NELL1: variants seen among roughly 807,000 people sequenced by gnomAD.
NELL1 encodes the protein protein kinase C-binding protein NELL1.
A neutral mutation model predicts 107.4 loss-of-function variants in NELL1; 76 were observed. That is an observed-to-expected ratio of 0.71 (90% confidence interval 0.59 to 0.86). The LOEUF is 0.86. NELL1 is among the 40% of genes least tolerant of loss of function. NELL1 has a pLI of 0.00. For synonymous variants in NELL1, 353 were observed against 341.2 expected (o/e 1.03, Z -0.38); for missense variants, 1,024 against 1,005.5 (o/e 1.02, Z -0.25).
At chr11:20,755,424 G>A (rs1482318936) in intron 2 of NELL1, among the ~76,000 whole-genome samples, 2 of 152,056 alleles carry the variant, frequency 1.3e-5, no homozygotes, top group African/African-American at 4.8e-5. Context: ...AAACTGAAAG[G>A]ATGGAATTTC....
intron 14 of NELL1, among the ~76,000 whole-genome samples, chr11:21,337,537 C>T (rs1204264376): frequency 1.3e-5 from 2 of 152,352 alleles, no homozygotes; most frequent in East Asian, 1.9e-4. Context: ...TCTTACATGG[C>T]CCCTGTCACT....
intron 5 of NELL1, among the ~76,000 whole-genome samples, chr11:20,915,771 T>G (rs1254479160): frequency 7.1e-6 from 1 of 140,924 alleles, no homozygotes; most frequent in African/African-American, 2.6e-5. Flanking sequence ...CTTTGTAGTT[T>G]TATGCATTAT....
chr11:21,269,372 TCTCTCA>T (rs1565138805), intron 14 of NELL1, among the ~76,000 whole-genome samples: 1 of 151,408 alleles, frequency 6.6e-6, no homozygotes, highest in African/African-American at 2.4e-5. Flanking sequence ...TCTCTCTCTC[TCTCTCA>T]CACACACACA....
At chr11:20,776,167 G>A (rs1053076300) in intron 2 of NELL1, among the ~76,000 whole-genome samples, 3 of 152,272 alleles carry the variant, frequency 2.0e-5, no homozygotes, top group African/African-American at 4.8e-5. Context: ...GCTGGGGGCC[G>A]TGGCTCATGC....
At chr11:20,693,622 T>C (rs950439490) in intron 2 of NELL1, among the ~76,000 whole-genome samples, 1 of 152,058 alleles carries the variant, frequency 6.6e-6, no homozygotes, top group African/African-American at 2.4e-5. Context: ...CCCCCACTCT[T>C]TTCTGGCTTG....
intron 1 of NELL1, among the ~76,000 whole-genome samples, chr11:20,670,842 C>T (rs1853886459): frequency 6.6e-6 from 1 of 152,232 alleles, no homozygotes; most frequent in Non-Finnish European, 1.5e-5. Context: ...CCCCCCTTTA[C>T]CATCCTTATT....
At chr11:21,528,014 T>C (rs1174989238) in intron 15 of NELL1, among the ~76,000 whole-genome samples, 3 of 152,142 alleles carry the variant, frequency 2.0e-5, no homozygotes, top group Non-Finnish European at 4.4e-5. Context: ...ATACTTTGCA[T>C]CCTTCAGTCC....
At chr11:20,673,121 CAA>C (rs1450452484) in intron 1 of NELL1, among the ~76,000 whole-genome samples, 1 of 152,010 alleles carries the variant, frequency 6.6e-6, no homozygotes, top group Admixed American at 6.6e-5. Context: ...CTCGGCTTCC[CAA>C]AGTGCTGAGA....
intron 16 of NELL1, among the ~76,000 whole-genome samples, chr11:21,549,184 T>C (rs558820000): frequency 2.0e-5 from 3 of 151,992 alleles, no homozygotes; most frequent in African/African-American, 7.2e-5. Flanking sequence ...TAAGTGACTC[T>C]CAGTTTGGTT....
intron 14 of NELL1, among the ~76,000 whole-genome samples, chr11:21,273,938 C>T (rs1435767420): frequency 6.6e-6 from 1 of 152,208 alleles, no homozygotes; most frequent in Non-Finnish European, 1.5e-5. Context: ...GTACCAGCCA[C>T]TGCAAAAACA....
At chr11:21,027,897 A>G (rs893775195) in intron 12 of NELL1, among the ~76,000 whole-genome samples, 2 of 152,092 alleles carry the variant, frequency 1.3e-5, no homozygotes, top group Admixed American at 1.3e-4. Flanking sequence ...TGGAGAAGAT[A>G]GTGAAGCTGA....
At chr11:21,494,779 C>T (rs935488216) in intron 15 of NELL1, among the ~76,000 whole-genome samples, 1 of 151,816 alleles carries the variant, frequency 6.6e-6, no homozygotes, top group African/African-American at 2.4e-5. Context: ...AACAAATCAA[C>T]AGTTCAAACA....
At chr11:21,163,917 G>A (rs1435442932) in intron 13 of NELL1, among the ~76,000 whole-genome samples, 1 of 152,098 alleles carries the variant, frequency 6.6e-6, no homozygotes, top group Non-Finnish European at 1.5e-5. Flanking sequence ...GGTGGGTAAA[G>A]ATGCAGTCTC....
intron 15 of NELL1, among the ~76,000 whole-genome samples, chr11:21,371,877 A>T (rs1219893641): frequency 1.3e-5 from 2 of 152,036 alleles, no homozygotes; most frequent in Non-Finnish European, 2.9e-5. Flanking sequence ...CTTCATGTTT[A>T]GAAGCTTCTG....
chr11:20,700,916 C>T (rs1335622501), intron 2 of NELL1, among the ~76,000 whole-genome samples: 1 of 152,160 alleles, frequency 6.6e-6, no homozygotes, highest in Non-Finnish European at 1.5e-5. Context: ...CACTGATGGA[C>T]ATTTGGGTCA....
intron 12 of NELL1, among the ~76,000 whole-genome samples, chr11:21,067,529 T>C (rs986490230): frequency 6.6e-6 from 1 of 152,140 alleles, no homozygotes; most frequent in Non-Finnish European, 1.5e-5. Flanking sequence ...GAAATGTTTT[T>C]GACCAAAGGA....
At chr11:21,284,448 A>AG in intron 14 of NELL1, 1 of 458,214 alleles carries the variant, frequency 2.2e-6, no homozygotes. Context: ...GCTGTGCACA[A>AG]GGTCAACATC....
intron 14 of NELL1, among the ~76,000 whole-genome samples, chr11:21,342,041 A>G (rs1246899309): frequency 6.6e-6 from 1 of 152,226 alleles, no homozygotes; most frequent in African/African-American, 2.4e-5. Flanking sequence ...AGTTGTCGAT[A>G]GCAATACCAT....
At chr11:21,221,531 A>G (rs1016830575) in intron 13 of NELL1, among the ~76,000 whole-genome samples, 1 of 151,924 alleles carries the variant, frequency 6.6e-6, no homozygotes, top group African/African-American at 2.4e-5. Context: ...TTGCTGGGAG[A>G]TTTTTTTGTT....
Sources: gnomAD v4.1 joint callset for allele counts (sites outside exome capture counted in the v4.1 genomes callset) on GRCh38, gnomAD v4.1.1 for gene constraint, MANE v1.5 for transcripts, NCBI Gene and HGNC (gene_info 2026-07-23, HGNC 2026-07-21) for gene names.